DNAAF9: variants seen among roughly 807,000 people sequenced by gnomAD.
The protein encoded by DNAAF9 is dynein axonemal assembly factor 9, also known as shulin.
Under a neutral mutation model 167.0 loss-of-function variants are expected in DNAAF9, and 90 were observed. The observed-to-expected ratio is 0.54, with a 90% CI of 0.45 to 0.64. The LOEUF (loss-of-function observed/expected upper bound fraction) is 0.64, where lower values mean the gene tolerates loss of function less well. Among genes scored for constraint, DNAAF9 ranks in the 30% least tolerant of loss-of-function variants. The pLI is 0.00. For missense variants in DNAAF9, 1,315 were observed against 1,442.2 expected (o/e 0.91, Z 1.43); for synonymous variants, 491 against 508.8 (o/e 0.96, Z 0.47).
At chr20:3,272,478 T>G (rs1484916348) in intron 29 of DNAAF9, among the ~76,000 whole-genome samples, 1 of 152,032 alleles carries the variant, frequency 6.6e-6, no homozygotes, top group Non-Finnish European at 1.5e-5. Context: ...CCTCATGCCT[T>G]GGCCTCCTCT....
intron 1 of DNAAF9, among the ~76,000 whole-genome samples, chr20:3,401,932 C>T (rs550203043): frequency 3.7e-4 from 57 of 152,264 alleles, no homozygotes; most frequent in African/African-American, 1.2e-3. Context: ...GTAGAAGGGA[C>T]GCCAGCACGG....
rs1254001678 is a variant in DNAAF9 at position 3,300,150 on chromosome 20, G to A, written c.1783-1975C>T. 2.6e-5 allele frequency among the ~76,000 whole-genome samples: 4 copies of A among 152,108 alleles called. No homozygotes were observed. In the South Asian group the frequency reaches 6.2e-4, roughly 24 times the overall value. Reference sequence around the variant, plus strand: ...ACTCCTGACCTCAAGTGATCTGCCCGCTTCAGCCTCTCAAAGTGCTGGAAT... The same window carrying A: ...ACTCCTGACCTCAAGTGATCTGCCCACTTCAGCCTCTCAAAGTGCTGGAAT... On this transcript the variant is annotated intron_variant, in intron 21 of 36. Transcript: ENST00000252032.
Position 3,290,121 on chromosome 20 carries a change from A to G in DNAAF9, c.2327+8T>C. 1.3e-6 allele frequency: 2 copies of G among 1,588,424 alleles called. No individual in the cohort carries two copies. The highest frequency in any genetic ancestry group is 1.7e-6 in the Non-Finnish European group (2 of 1,156,528). On this transcript the variant is annotated splice_region_variant and intron_variant, in intron 26 of 36. Coordinates refer to ENST00000252032, the MANE Select transcript of DNAAF9 (RefSeq NM_001009984.3). ...TTTCCCCAAAGCAAAGGCATCAGCC[A>G]TACTAACCTGCCACATTCCTTATGC...
chr20:3,376,147 T>C, intron 4 of DNAAF9, 31 bp downstream of exon 4: 2 of 1,603,752 alleles, frequency 1.2e-6, no homozygotes, highest in South Asian at 2.2e-5. Context: ...TTAGAGTGTC[T>C]CTAGGTGCCT....
rs3082550 is a variant in DNAAF9 at position 3,332,900 on chromosome 20, G to GGTGTGTGTGTGT, written c.982-551_982-540dup. Among the ~76,000 whole-genome samples the GGTGTGTGTGTGT allele has an allele frequency of 3.5e-3, 518 of 146,926 alleles. 4 individuals are homozygous for GGTGTGTGTGTGT. The highest frequency in any genetic ancestry group is 0.011 in the Admixed American group (165 of 14,692). ...CATGCGTGTGTGCGTGTGTGCGTGT[G>GGTGTGTGTGTGT]GTGTGTGTGTGTGTGTGTGTGTGTG... On this transcript the variant is annotated intron_variant, in intron 10 of 36. Coordinates refer to ENST00000252032, the MANE Select transcript of DNAAF9 (RefSeq NM_001009984.3).
intron 17 of DNAAF9, among the ~76,000 whole-genome samples, chr20:3,317,691 G>T (rs6084336): frequency 0.062 from 9,413 of 151,910 alleles, 372 homozygotes; most frequent in Non-Finnish European, 0.082. Context: ...CCGCCTCCTA[G>T]GTTCAAGTGA....
rs61734535 is a variant in DNAAF9 at position 3,294,241 on chromosome 20, G to A, written c.2136C>T (p.Phe712=). 578 of 1,609,222 alleles carry A rather than the reference G, an allele frequency of 3.6e-4. 1 individual carries two copies. In the African/African-American group the frequency reaches 7.1e-3, roughly 20 times the overall value. ...GCTCCTGGCTAATGCTGCTGATGGC[G>A]AAATGCTGGAGAAACCTAAAAACAC... ...LPELDWFLQH[F]AISSISQEPV... is the part of the protein sequence containing the mutation. Residue 712 remains phenylalanine, a synonymous_variant, in exon 25 of 37, where the codon TTC becomes TTT. Coordinates refer to ENST00000252032, the MANE Select transcript of DNAAF9 (RefSeq NM_001009984.3).
At position 3,359,720 on chromosome 20, in the gene DNAAF9, A is replaced by C. The variant is rs2083334790; in HGVS notation, c.613-127T>G. Reference sequence around the variant, plus strand: ...GTGTGAACAGAATAATAAATCAAAAATTTATCAATTATATTTGCCCTATAC... The same window carrying C: ...GTGTGAACAGAATAATAAATCAAAACTTTATCAATTATATTTGCCCTATAC... On this transcript the variant is annotated intron_variant, in intron 6 of 36. Coordinates refer to ENST00000252032, the MANE Select transcript of DNAAF9 (RefSeq NM_001009984.3). 1.1e-5 allele frequency: 7 copies of C among 631,082 alleles called. No homozygotes were observed. In the South Asian group the frequency reaches 1.6e-4, roughly 15 times the overall value. 39.1% of individuals were successfully genotyped at this position (631,082 alleles called of 1,614,324 possible). A position where few individuals can be genotyped will look rare whatever the true frequency, so the allele number is the denominator to read the frequency against.
chr20:3,347,677 C>T (rs761913093), intron 8 of DNAAF9, among the ~76,000 whole-genome samples: 15 of 152,138 alleles, frequency 9.9e-5, no homozygotes, highest in Non-Finnish European at 1.9e-4. Flanking sequence ...CCTGTAATCT[C>T]AGCACTTTGG....
rs2068179885 is a variant in DNAAF9 at position 3,250,503 on chromosome 20, C to G, written c.*2069G>C. On this transcript the variant is annotated 3_prime_UTR_variant, in exon 37 of 37. Coordinates refer to ENST00000252032, the MANE Select transcript of DNAAF9 (RefSeq NM_001009984.3). ...TGCTTCTTCACGTTTTGACTTTTTT[C>G]AATCACAGTTTCATATTCAAGTTGA... is the stretch of plus-strand genomic sequence containing the variant. 1 of 152,190 alleles carries G rather than the reference C, an allele frequency of 6.6e-6. No homozygotes were observed. Among genetic ancestry groups the G allele is most frequent in the African/African-American group, 2.4e-5 (1 of 41,438 alleles). The allele number at this position is 152,190 out of a possible 1,614,324, so 9.4% of individuals were successfully genotyped here.
intron 8 of DNAAF9, 120 bp downstream of exon 8, chr20:3,348,405 C>A: frequency 1.9e-6 from 1 of 536,890 alleles, no homozygotes; most frequent in Non-Finnish European, 3.2e-6. Flanking sequence ...TACAACACAG[C>A]TTAAAGAAAT....
At chr20:3,294,448 G>A in intron 24 of DNAAF9, 80 bp downstream of exon 24, 1 of 962,624 alleles carries the variant, frequency 1.0e-6, no homozygotes, top group East Asian at 2.4e-5. Context: ...AGAAAAAGGA[G>A]CTTAAAAGGA....
chr20:3,365,974 A>G (rs2083428284), intron 6 of DNAAF9, among the ~76,000 whole-genome samples: 2 of 152,128 alleles, frequency 1.3e-5, no homozygotes, highest in Admixed American at 1.3e-4. Flanking sequence ...TTGTCTTGCT[A>G]TTTCTACCAA....
chr20:3,295,473 C>T (rs2069054640), intron 23 of DNAAF9: 1 of 276,386 alleles, frequency 3.6e-6, no homozygotes, highest in African/African-American at 2.7e-5. Flanking sequence ...ACCACTGCGC[C>T]TGACCTTTTT....
At chr20:3,316,843 G>T in intron 17 of DNAAF9, 50 bp from the exon 18 acceptor site, 2 of 1,336,744 alleles carry the variant, frequency 1.5e-6, no homozygotes, top group Non-Finnish European at 2.1e-6. Flanking sequence ...AGCTCAGCCT[G>T]CCTTGCAGGC....
At chr20:3,374,458 A>G (rs1219146250) in intron 5 of DNAAF9, among the ~76,000 whole-genome samples, 2 of 152,214 alleles carry the variant, frequency 1.3e-5, no homozygotes, top group Admixed American at 1.3e-4. Context: ...GACTTGCATC[A>G]TTCAGTGGGA....
intron 21 of DNAAF9, among the ~76,000 whole-genome samples, chr20:3,298,623 AT>A (rs1380862453): frequency 4.6e-5 from 7 of 151,856 alleles, no homozygotes; most frequent in African/African-American, 1.5e-4. Context: ...CCTAATCTGG[AT>A]TTTTTTCCCC....
intron 4 of DNAAF9, among the ~76,000 whole-genome samples, 158 bp from the exon 5 acceptor site, chr20:3,375,284 G>C (rs964075356): frequency 6.6e-6 from 1 of 152,130 alleles, no homozygotes; most frequent in Non-Finnish European, 1.5e-5. Flanking sequence ...TCATTTGCTA[G>C]TCAGAAAGAC....
chr20:3,327,091 C>G (rs1432659468), intron 12 of DNAAF9, among the ~76,000 whole-genome samples: 1 of 152,158 alleles, frequency 6.6e-6, no homozygotes, highest in African/African-American at 2.4e-5. Flanking sequence ...GATGACCAGA[C>G]TGAGGAAGGG....
Sources: allele counts gnomAD v4.1 joint callset (sites outside exome capture counted in the v4.1 genomes callset), GRCh38; gene constraint gnomAD v4.1.1; transcripts MANE v1.5; gene names NCBI Gene and HGNC (gene_info 2026-07-23, HGNC 2026-07-21).